NAALADL2: variants seen among roughly 807,000 people sequenced by gnomAD.
The protein encoded by NAALADL2 is inactive N-acetylated-alpha-linked acidic dipeptidase-like protein 2.
In NAALADL2, 76 loss-of-function variants were observed where a neutral mutation model predicts 87.2. The observed-to-expected ratio is 0.87, with a 90% CI of 0.72 to 1.05. The LOEUF is 1.05. Ranked by LOEUF, NAALADL2 falls within the 50% of genes least tolerant of loss-of-function variation. NAALADL2 has a pLI of 0.00. For synonymous variants in NAALADL2, 354 were observed against 331.0 expected (o/e 1.07, Z -0.75); for missense variants, 1,089 against 945.8 (o/e 1.15, Z -1.99).
intron 9 of NAALADL2, among the ~76,000 whole-genome samples, chr3:175,561,364 T>C (rs1179790520): frequency 6.6e-6 from 1 of 152,226 alleles, no homozygotes; most frequent in African/African-American, 2.4e-5. Context: ...AAAAAAAGTC[T>C]GTACATGTAA....
At chr3:175,667,982 A>G (rs1733438795) in intron 11 of NAALADL2, among the ~76,000 whole-genome samples, 1 of 152,102 alleles carries the variant, frequency 6.6e-6, no homozygotes, top group Admixed American at 6.6e-5. Context: ...TCCAGCCTGC[A>G]ATGTGGAAAG....
At chr3:175,329,775 A>C (rs906009345) in intron 5 of NAALADL2, among the ~76,000 whole-genome samples, 3 of 152,218 alleles carry the variant, frequency 2.0e-5, no homozygotes, top group Non-Finnish European at 4.4e-5. Flanking sequence ...GTTAAGCGGC[A>C]AAATTTTTCT....
intron 4 of NAALADL2, among the ~76,000 whole-genome samples, chr3:175,295,495 T>C (rs1339596509): frequency 6.6e-6 from 1 of 152,130 alleles, no homozygotes; most frequent in Non-Finnish European, 1.5e-5. Context: ...ACTTCCTGCA[T>C]GCCCTCGTAC....
At chr3:174,825,882 G>C (rs560490401) in intron 3 of NAALADL2, among the ~76,000 whole-genome samples, 67 of 152,066 alleles carry the variant, frequency 4.4e-4, no homozygotes, top group African/African-American at 1.3e-3. Context: ...AAAAAATTAG[G>C]CGGGCGTGGT....
intron 4 of NAALADL2, among the ~76,000 whole-genome samples, chr3:175,267,095 A>G (rs977520192): frequency 6.6e-6 from 1 of 151,726 alleles, no homozygotes; most frequent in Admixed American, 6.6e-5. Flanking sequence ...TTCCAATTAT[A>G]CTATTAATAT....
At position 175,097,296 on chromosome 3, in the gene NAALADL2, G is replaced by T; in HGVS notation, c.545+5G>T. On this transcript the variant is annotated splice_donor_5th_base_variant and intron_variant, in intron 2 of 13. Coordinates refer to ENST00000454872, the MANE Select transcript of NAALADL2 (RefSeq NM_207015.3). ...AGATATTAAGAAGTCTTTCAGGTAG[G>T]TGAAGAAGAAACAGATGTTGTTTGA... 1 of 1,600,684 alleles carries T rather than the reference G, an allele frequency of 6.2e-7. No individual in the cohort carries two copies. Among genetic ancestry groups the T allele is most frequent in the Non-Finnish European group, 8.5e-7 (1 of 1,173,158 alleles).
chr3:175,679,300 G>C (rs1735274712), intron 11 of NAALADL2, among the ~76,000 whole-genome samples: 1 of 150,198 alleles, frequency 6.7e-6, no homozygotes, highest in Non-Finnish European at 1.5e-5. Flanking sequence ...AAAAAAGAAT[G>C]TTATGCTAAA....
chr3:175,730,458 G>A (rs13098230), intron 11 of NAALADL2, among the ~76,000 whole-genome samples: 3,234 of 60,010 alleles, frequency 0.054, 115 homozygotes, highest in African/African-American at 0.13. Flanking sequence ...ACATACACAC[G>A]CACACACACA....
chr3:175,572,484 A>G (rs1718233621), intron 9 of NAALADL2, among the ~76,000 whole-genome samples: 1 of 152,154 alleles, frequency 6.6e-6, no homozygotes, highest in South Asian at 2.1e-4. Context: ...AGACTTTTAA[A>G]TAAATAGGCA....
chr3:174,502,186 T>G (rs1409899761), intron 1 of NAALADL2, among the ~76,000 whole-genome samples: 1 of 152,324 alleles, frequency 6.6e-6, no homozygotes, highest in East Asian at 1.9e-4. Context: ...TTTCCCATGA[T>G]AGCCTGAAAG....
chr3:175,721,361 T>G (rs2150034501), intron 11 of NAALADL2, among the ~76,000 whole-genome samples: 1 of 152,180 alleles, frequency 6.6e-6, no homozygotes, highest in African/African-American at 2.4e-5. Flanking sequence ...AATAATAAAA[T>G]AAATGCAAAT....
At chr3:174,983,661 A>G (rs987915153) in intron 1 of NAALADL2, among the ~76,000 whole-genome samples, 12 of 152,108 alleles carry the variant, frequency 7.9e-5, no homozygotes, top group Admixed American at 7.2e-4. Flanking sequence ...TAAGGGCACT[A>G]ATCGCACTCA....
intron 5 of NAALADL2, among the ~76,000 whole-genome samples, chr3:175,398,340 G>A (rs1007324307): frequency 2.1e-4 from 27 of 126,726 alleles, no homozygotes; most frequent in African/African-American, 8.2e-4. Context: ...TGATGCTTCT[G>A]CTACTTTTTT....
chr3:175,060,048 G>A, intron 1 of NAALADL2: 1 of 352,992 alleles, frequency 2.8e-6, no homozygotes, highest in Non-Finnish European at 5.7e-6. Flanking sequence ...CTGTATTTGA[G>A]AGCTGGGTAG....
intron 10 of NAALADL2, among the ~76,000 whole-genome samples, chr3:175,602,486 C>A (rs1411442725): frequency 6.7e-6 from 1 of 149,606 alleles, no homozygotes; most frequent in African/African-American, 2.5e-5. Flanking sequence ...AGAGAGCGAG[C>A]TAAATATAAT....
chr3:174,830,844 T>C (rs1297221309), intron 3 of NAALADL2, among the ~76,000 whole-genome samples: 1 of 152,114 alleles, frequency 6.6e-6, no homozygotes, highest in African/African-American at 2.4e-5. Flanking sequence ...GTTGGACTCC[T>C]AGGTATTTTA....
chr3:175,167,909 A>C (rs1362500587), intron 2 of NAALADL2, among the ~76,000 whole-genome samples: 1 of 151,952 alleles, frequency 6.6e-6, no homozygotes, highest in Non-Finnish European at 1.5e-5. Context: ...TATATATTTT[A>C]TTTGAACTGT....
intron 4 of NAALADL2, among the ~76,000 whole-genome samples, chr3:175,310,733 C>A (rs1758258398): frequency 6.6e-6 from 1 of 151,888 alleles, no homozygotes; most frequent in African/African-American, 2.4e-5. Flanking sequence ...TCACTATGGT[C>A]ATTTTTTATC....
intron 3 of NAALADL2, among the ~76,000 whole-genome samples, chr3:174,822,368 A>G (rs984884361): frequency 6.6e-6 from 1 of 152,166 alleles, no homozygotes; most frequent in Non-Finnish European, 1.5e-5. Context: ...GAAAAGCTAG[A>G]AGTCTGGAAT....
Sources: allele counts gnomAD v4.1 joint callset (sites outside exome capture counted in the v4.1 genomes callset), GRCh38; gene constraint gnomAD v4.1.1; transcripts MANE v1.5; gene names NCBI Gene and HGNC (gene_info 2026-07-23, HGNC 2026-07-21).